Variants in TOGARAM1 observed in about 807,000 individuals in gnomAD.
The protein encoded by TOGARAM1 is TOG array regulator of axonemal microtubules 1, also known as TOG array regulator of axonemal microtubules protein 1.
A neutral mutation model predicts 166.6 loss-of-function variants in TOGARAM1; 100 were observed. That is an observed-to-expected ratio of 0.60 (90% CI 0.51 to 0.71). The LOEUF is 0.71. Among genes scored for constraint, TOGARAM1 ranks in the 30% least tolerant of loss-of-function variants. The pLI is 0.00. For synonymous variants in TOGARAM1, 758 were observed against 763.8 expected (o/e 0.99, Z 0.13); for missense variants, 2,029 against 2,102.7 (o/e 0.96, Z 0.69).
intron 1 of TOGARAM1, among the ~76,000 whole-genome samples, chr14:44,966,486 A>C (rs915205245): frequency 3.3e-5 from 5 of 152,088 alleles, no homozygotes; most frequent in African/African-American, 4.8e-5. Context: ...AATAATAATA[A>C]TACTAAAATA....
intron 16 of TOGARAM1, among the ~76,000 whole-genome samples, chr14:45,062,771 AG>A (rs1882955858): frequency 6.6e-6 from 1 of 152,188 alleles, no homozygotes; most frequent in Non-Finnish European, 1.5e-5. Context: ...AACATGTTTA[AG>A]GTAGGCTAGA....
Position 44,963,293 on chromosome 14 carries a change from G to C in TOGARAM1, c.872G>C (p.Arg291Thr), listed in dbSNP as rs1241965113. Residue 291 changes from arginine to threonine, a missense_variant, in exon 1 of 20, where the codon AGG (arginine) becomes ACG (threonine). Around this residue, in one of 2 missense-constraint regions of TOGARAM1, gnomAD observed 1,453 missense variants for 1,432.2 expected, o/e 1.01. Coordinates refer to ENST00000361462, the MANE Select transcript of TOGARAM1 (RefSeq NM_001308120.2). ...ATTGGGGAGCGACTTGGCCAAGACA[G>C]GTTTCAATCTTACATTTCTCGTCTG... is the stretch of plus-strand genomic sequence containing the variant. Reference protein sequence around the residue: ...QQIGERLGQDRFQSYISRLPS... With the variant: ...QQIGERLGQDTFQSYISRLPS... 2 of 1,614,052 alleles carry C rather than the reference G, an allele frequency of 1.2e-6. No individual in the cohort carries two copies. Among genetic ancestry groups the C allele is most frequent in the African/African-American group, 1.3e-5 (1 of 74,918 alleles).
chr14:45,011,460 G>A (rs1879787638), intron 6 of TOGARAM1, among the ~76,000 whole-genome samples: 1 of 152,062 alleles, frequency 6.6e-6, no homozygotes, highest in Non-Finnish European at 1.5e-5. Flanking sequence ...CTACAGGTGT[G>A]CACCGCCATG....
chr14:45,015,349 A>T (rs1045973745), intron 7 of TOGARAM1, among the ~76,000 whole-genome samples: 3 of 145,992 alleles, frequency 2.1e-5, no homozygotes, highest in East Asian at 2.0e-4. Flanking sequence ...TAAATAAATA[A>T]ATATATTTAT....
At chr14:45,031,305 A>G (rs2138917664) in intron 10 of TOGARAM1, among the ~76,000 whole-genome samples, 1 of 152,340 alleles carries the variant, frequency 6.6e-6, no homozygotes, top group Non-Finnish European at 1.5e-5. Context: ...CGTGTCTCGC[A>G]TTATATAGTG....
chr14:45,012,917 C>T lies in TOGARAM1; in HGVS notation c.3238+842C>T, dbSNP rs370983237. On this transcript the variant is annotated intron_variant, in intron 7 of 19. Transcript: ENST00000361462. ...TTTCCTCATTTATTACCTACTTAGC[C>T]GCCTAAATTTTCTCCCTGCTTCAAT... is the stretch of plus-strand genomic sequence containing the variant. Among the ~76,000 whole-genome samples the T allele has an allele frequency of 1.6e-4, 24 of 152,238 alleles. No individual in the cohort carries two copies. In the East Asian group the frequency reaches 3.7e-3, roughly 23 times the overall value.
chr14:45,036,304 C>G (rs373271285), intron 11 of TOGARAM1, among the ~76,000 whole-genome samples: 55 of 151,854 alleles, frequency 3.6e-4, no homozygotes, highest in African/African-American at 9.7e-4. Context: ...AGAAAACAAA[C>G]AGCAAGATGA....
chr14:45,016,072 T>C (rs1384249692), intron 7 of TOGARAM1, among the ~76,000 whole-genome samples: 1 of 152,054 alleles, frequency 6.6e-6, no homozygotes, highest in Non-Finnish European at 1.5e-5. Flanking sequence ...TTTTTTTTTT[T>C]AGTGTAAAGT....
In TOGARAM1 at chr14:45,046,674, G is replaced by A; in HGVS notation, c.4284G>A (p.Lys1428=). The A allele has an allele frequency of 7.6e-7, 1 of 1,319,460 alleles. No individual in the cohort carries two copies. The highest frequency in any genetic ancestry group is 9.8e-7 in the Non-Finnish European group (1 of 1,025,416). The allele number at this position is 1,319,460 out of a possible 1,614,324, so 81.7% of individuals were successfully genotyped here. ...MAERILPAAA[K]FAQDSSQETR... is the part of the protein sequence containing the mutation. ...AACGCATATTACCAGCTGCTGCTAA[G>A]TTTGCTCAAGACAGTTCACAAGAAA... The change falls in exon 14 of 20, where the codon AAG becomes AAA. Residue 1428 remains lysine, a synonymous_variant. Transcript: ENST00000361462.
intron 14 of TOGARAM1, among the ~76,000 whole-genome samples, chr14:45,050,395 G>C (rs989140622): frequency 6.6e-6 from 1 of 152,120 alleles, no homozygotes; most frequent in Non-Finnish European, 1.5e-5. Context: ...TGGGACTACA[G>C]GCGTGTGTCA....
rs1421575192 is a variant in TOGARAM1 at position 45,064,761 on chromosome 14, T to A, written c.4560-1817T>A. Among the ~76,000 whole-genome samples the A allele has an allele frequency of 2.6e-5, 4 of 152,204 alleles. No homozygotes were observed. In the East Asian group the frequency reaches 5.8e-4, roughly 22 times the overall value. ...AATCAGGGTATTTGACCATTTAGGT[T>A]TAAAGTAGTTATTCGCATGGTTGAA... On this transcript the variant is annotated intron_variant, in intron 16 of 19. Transcript: ENST00000361462.
intron 1 of TOGARAM1, among the ~76,000 whole-genome samples, chr14:44,988,007 A>T (rs1211491564): frequency 2.6e-5 from 4 of 151,582 alleles, no homozygotes; most frequent in Middle Eastern, 6.3e-3. Flanking sequence ...TCGCAAGGAC[A>T]AAAAACCAAA....
In TOGARAM1 at chr14:44,962,554, G is replaced by A; in HGVS notation, c.133G>A (p.Glu45Lys). The A allele has an allele frequency of 6.2e-7, 1 of 1,613,994 alleles. No homozygotes were observed. The highest frequency in any genetic ancestry group is 8.5e-7 in the Non-Finnish European group (1 of 1,179,952). Residue 45 changes from glutamate to lysine, a missense_variant, in exon 1 of 20, where the codon GAG becomes AAG. Physicochemically the swap from Glu to Lys is moderately conservative, Grantham distance 56. Transcript: ENST00000361462. ...DSRVGGIMRG[E>K]KNYYFRGAAG... ...TCGAGTTGGGGGCATTATGAGAGGA[G>A]AGAAAAACTACTACTTCCGTGGAGC...
chr14:45,061,306 T>A (rs1566672816), intron 16 of TOGARAM1, among the ~76,000 whole-genome samples: 1 of 152,230 alleles, frequency 6.6e-6, no homozygotes, highest in Non-Finnish European at 1.5e-5. Flanking sequence ...TCCATTTACT[T>A]TCTGTCAGCA....
At chr14:45,066,283 G>C (rs1258997159) in intron 16 of TOGARAM1, among the ~76,000 whole-genome samples, 1 of 152,128 alleles carries the variant, frequency 6.6e-6, no homozygotes, top group East Asian at 1.9e-4. Flanking sequence ...TCTGGTCTTT[G>C]ACTTGTGCAC....
intron 1 of TOGARAM1, among the ~76,000 whole-genome samples, chr14:44,990,767 T>G (rs1384667124): frequency 1.3e-5 from 2 of 152,108 alleles, no homozygotes; most frequent in African/African-American, 4.8e-5. Flanking sequence ...GTGTGGGTAT[T>G]CTCCCTTTGT....
intron 7 of TOGARAM1, among the ~76,000 whole-genome samples, chr14:45,014,332 A>T (rs1398378576): frequency 6.6e-6 from 1 of 152,112 alleles, no homozygotes; most frequent in Non-Finnish European, 1.5e-5. Flanking sequence ...AGTGCATGTA[A>T]CATCTGTTAA....
rs1330264973 is a variant in TOGARAM1 at position 45,074,172 on chromosome 14, T to C, written c.*611T>C. ...TATAATAAAGCATGACAACCAAAGT[T>C]TTAGAAAACATTAAACATTTTAAAT... On this transcript the variant is annotated 3_prime_UTR_variant, in exon 20 of 20. Coordinates refer to ENST00000361462, the MANE Select transcript of TOGARAM1 (RefSeq NM_001308120.2). 6.6e-6 allele frequency: 1 copy of C among 152,660 alleles called. No homozygotes were observed. The highest frequency in any genetic ancestry group is 6.5e-5 in the Admixed American group (1 of 15,288). The allele number at this position is 152,660 out of a possible 1,614,324, so 9.5% of individuals were successfully genotyped here.
In TOGARAM1 at chr14:45,025,839, T is replaced by G. The variant is rs1880808437; in HGVS notation, c.3295T>G (p.Leu1099Val). 6.2e-7 allele frequency: 1 copy of G among 1,608,140 alleles called. No homozygotes were observed. Among genetic ancestry groups the G allele is most frequent in the African/African-American group, 1.3e-5 (1 of 74,824 alleles). The part of the protein sequence containing the change: ...SSFDFTTTKA[L>V]SEDSVVVVGK... ...TTTTGACTTCACAACCACAAAGGCTTTATCAGAAGACTCAGTAGTAGTTGT... is the reference window on the plus strand; with the variant it reads ...TTTTGACTTCACAACCACAAAGGCTGTATCAGAAGACTCAGTAGTAGTTGT... Residue 1099 changes from leucine to valine, a missense_variant, in exon 8 of 20, where the codon TTA becomes GTA. Leu to Val is a conservative substitution (Grantham distance 32). Transcript: ENST00000361462.
Sources: allele counts gnomAD v4.1 joint callset (sites outside exome capture counted in the v4.1 genomes callset), GRCh38; gene constraint gnomAD v4.1.1; regional missense constraint gnomAD v4.1.1; transcripts MANE v1.5; gene names NCBI Gene and HGNC (gene_info 2026-07-23, HGNC 2026-07-21).